The following CARMIL1 variants were observed in gnomAD, a reference collection of about 807,000 sequenced individuals.
The protein encoded by CARMIL1 is F-actin-uncapping protein LRRC16A.
Under a neutral mutation model 177.1 loss-of-function variants are expected in CARMIL1, and 90 were observed. The ratio of observed to expected loss-of-function variants is 0.51; its 90% CI spans 0.43 to 0.61. The LOEUF (loss-of-function observed/expected upper bound fraction) is 0.61. Among genes scored for constraint, CARMIL1 ranks in the 20% least tolerant of loss-of-function variants. The pLI, the probability that CARMIL1 is intolerant of heterozygous loss-of-function variation, is 0.00. For synonymous variants in CARMIL1, 577 were observed against 606.2 expected (o/e 0.95, Z 0.71); for missense variants, 1,380 against 1,667.0 (o/e 0.83, Z 3.00).
intron 11 of CARMIL1, among the ~76,000 whole-genome samples, chr6:25,479,793 C>T (rs1316911291): frequency 6.6e-6 from 1 of 151,848 alleles, no homozygotes; most frequent in African/African-American, 2.4e-5. Context: ...GTATTTAGGT[C>T]TATTGATTTC....
chr6:25,315,801 A>G (rs1262987489), intron 2 of CARMIL1, among the ~76,000 whole-genome samples: 4 of 152,194 alleles, frequency 2.6e-5, no homozygotes, highest in Non-Finnish European at 5.9e-5. Context: ...AGAATTAAAG[A>G]GTAATAGGCA....
Position 25,347,321 on chromosome 6 carries a change from C to A in CARMIL1, c.138+62412C>A, listed in dbSNP as rs555721950. 5.9e-5 allele frequency among the ~76,000 whole-genome samples: 9 copies of A among 152,308 alleles called. No homozygotes were observed. In the East Asian group the frequency reaches 9.6e-4, roughly 16 times the overall value. ...TCAAAGTCAAGTTAATCACAACTAC[C>A]TAAATTTAGCCATGTGATATTTTAC... On this transcript the variant is annotated intron_variant, in intron 2 of 36. Coordinates refer to ENST00000329474, the MANE Select transcript of CARMIL1 (RefSeq NM_017640.6).
intron 5 of CARMIL1, among the ~76,000 whole-genome samples, chr6:25,447,449 G>T (rs1182548968): frequency 6.6e-6 from 1 of 152,154 alleles, no homozygotes; most frequent in African/African-American, 2.4e-5. Context: ...TCCAGTCTCT[G>T]CAAGGTGATG....
intron 9 of CARMIL1, among the ~76,000 whole-genome samples, chr6:25,467,508 C>T (rs1370188649): frequency 6.6e-6 from 1 of 152,202 alleles, no homozygotes; most frequent in East Asian, 1.9e-4. Flanking sequence ...GGATATCTCA[C>T]TTTTGGAGAG....
At chr6:25,412,920 G>A (rs1399810345) in intron 2 of CARMIL1, among the ~76,000 whole-genome samples, 1 of 152,184 alleles carries the variant, frequency 6.6e-6, no homozygotes, top group Admixed American at 6.5e-5. Context: ...TTTAAGTCAG[G>A]AATTAAATTA....
At chr6:25,476,382 A>G (rs1801579894) in intron 11 of CARMIL1, among the ~76,000 whole-genome samples, 2 of 152,188 alleles carry the variant, frequency 1.3e-5, no homozygotes, top group Non-Finnish European at 2.9e-5. Context: ...CATCCTGGAA[A>G]TATTTTCGCA....
chr6:25,585,196 ACAG>A (rs200574460), intron 31 of CARMIL1, among the ~76,000 whole-genome samples: 1,890 of 152,326 alleles, frequency 0.012, 54 homozygotes, highest in African/African-American at 0.043. Flanking sequence ...AAGCTGCCAC[ACAG>A]GCACCATTAT....
In CARMIL1 at chr6:25,293,680, T is replaced by C. The variant is rs567239096; in HGVS notation, c.138+8771T>C. On this transcript the variant is annotated intron_variant, in intron 2 of 36. Transcript: ENST00000329474. ...ATATGCGAGCTGGTCTTCCCTTCCC[T>C]TCCTCTCCTTTCCCTTCCTTTCCCC... Among the ~76,000 whole-genome samples, 407 of 151,970 alleles carry C rather than the reference T, an allele frequency of 2.7e-3. 4 individuals carry two copies. Among genetic ancestry groups the C allele is most frequent in the Admixed American group, 8.7e-3 (132 of 15,260 alleles).
intron 36 of CARMIL1, among the ~76,000 whole-genome samples, 183 bp downstream of exon 36, chr6:25,610,364 A>G (rs1816406429): frequency 6.6e-6 from 1 of 152,206 alleles, no homozygotes; most frequent in African/African-American, 2.4e-5. Context: ...AGCATGATTG[A>G]TGACATTGGA....
At chr6:25,303,321 T>C (rs781057058) in intron 2 of CARMIL1, among the ~76,000 whole-genome samples, 4 of 152,214 alleles carry the variant, frequency 2.6e-5, no homozygotes, top group Non-Finnish European at 5.9e-5. Flanking sequence ...AAGAAAAGCA[T>C]CTCATTTCCT....
intron 2 of CARMIL1, among the ~76,000 whole-genome samples, chr6:25,395,889 G>A (rs1225597194): frequency 1.3e-5 from 2 of 152,228 alleles, no homozygotes; most frequent in East Asian, 3.8e-4. Context: ...GTGTTGACTT[G>A]TCCACTTGGA....
intron 11 of CARMIL1, among the ~76,000 whole-genome samples, chr6:25,481,572 C>G (rs536491747): frequency 8.5e-4 from 129 of 152,300 alleles, no homozygotes; most frequent in African/African-American, 3.0e-3. Flanking sequence ...GAAGGGCATA[C>G]GTTTGTGTAT....
In CARMIL1 at chr6:25,536,570, G is replaced by A. The variant is rs116992770; in HGVS notation, c.2068-1285G>A. Among the ~76,000 whole-genome samples, 63 of 152,222 alleles carry A rather than the reference G, an allele frequency of 4.1e-4. 2 individuals carry two copies. The East Asian group carries it at 0.012, about 28-fold the overall frequency. On this transcript the variant is annotated intron_variant, in intron 24 of 36. Coordinates refer to ENST00000329474, the MANE Select transcript of CARMIL1 (RefSeq NM_017640.6). Reference sequence around the variant, plus strand: ...CCCTTTTTCAACAATAGGTGCTTGAGTGCTGTTATTTTATTGAATTGTCTT... The same window carrying A: ...CCCTTTTTCAACAATAGGTGCTTGAATGCTGTTATTTTATTGAATTGTCTT...
At chr6:25,339,662 G>T (rs1034383185) in intron 2 of CARMIL1, among the ~76,000 whole-genome samples, 1 of 152,206 alleles carries the variant, frequency 6.6e-6, no homozygotes, top group Admixed American at 6.5e-5. Context: ...AGAAGCTTCA[G>T]TTCTCAGCAG....
chr6:25,404,346 T>A (rs1195187746), intron 2 of CARMIL1, among the ~76,000 whole-genome samples: 1 of 152,174 alleles, frequency 6.6e-6, no homozygotes, highest in Non-Finnish European at 1.5e-5. Flanking sequence ...CAAGAAGGGA[T>A]CTTATGGGTT....
chr6:25,352,436 G>A lies in CARMIL1; in HGVS notation c.138+67527G>A, dbSNP rs772843172. Among the ~76,000 whole-genome samples the A allele has an allele frequency of 5.6e-4, 85 of 151,880 alleles. 2 individuals carry two copies. The highest frequency in any genetic ancestry group is 4.6e-4 in the Admixed American group (7 of 15,230). The stretch of plus-strand genomic sequence containing the variant: ...ACTAATGTATATAACTCAGGGGAAC[G>A]TCTGTGTAAGTTAACTACTAGAGAA... On this transcript the variant is annotated intron_variant, in intron 2 of 36. Transcript: ENST00000329474.
rs1176969295 is a variant in CARMIL1 at position 25,558,658 on chromosome 6, A to G, written c.2742+1808A>G. Among the ~76,000 whole-genome samples, 1 of 152,180 alleles carries G rather than the reference A, an allele frequency of 6.6e-6. No homozygotes were observed. The highest frequency in any genetic ancestry group is 1.5e-5 in the Non-Finnish European group (1 of 68,020). ...CCATGATGCCTAAAGAGGCAGGAGT[A>G]GATGTAGATCTCTTTGAATTCAACT... On this transcript the variant is annotated intron_variant, in intron 29 of 36. Coordinates refer to ENST00000329474, the MANE Select transcript of CARMIL1 (RefSeq NM_017640.6). The surrounding 1 kb of genome is among the most constrained non-coding windows in gnomAD (Gnocchi z 4.1).
intron 2 of CARMIL1, among the ~76,000 whole-genome samples, chr6:25,327,976 C>A (rs191372876): frequency 3.4e-4 from 51 of 152,204 alleles, no homozygotes; most frequent in African/African-American, 1.2e-3. Context: ...AGGATATGGG[C>A]ATGGGGAGAG....
Position 25,333,139 on chromosome 6 carries a change from C to T in CARMIL1, c.138+48230C>T, listed in dbSNP as rs1212524551. Among the ~76,000 whole-genome samples, 3 of 152,170 alleles carry T rather than the reference C, an allele frequency of 2.0e-5. No individual in the cohort carries two copies. The East Asian group carries it at 5.8e-4, about 29-fold the overall frequency. On this transcript the variant is annotated intron_variant, in intron 2 of 36. Transcript: ENST00000329474. ...CTACAGAAATGTGGAAAGTCCCCTC[C>T]CTGCTGTTTACTACACTGTATCCCT...
Sources: gnomAD v4.1 joint callset for allele counts (sites outside exome capture counted in the v4.1 genomes callset) on GRCh38, gnomAD v4.1.1 for gene constraint, Gnocchi (gnomAD v3.1) non-coding constraint, MANE v1.5 for transcripts, NCBI Gene and HGNC (gene_info 2026-07-23, HGNC 2026-07-21) for gene names.